The following DCTN5 variants were observed in gnomAD, a reference collection of about 807,000 sequenced individuals.
The protein encoded by DCTN5 is dynactin subunit 5.
Under a neutral mutation model 23.5 loss-of-function variants are expected in DCTN5, and 14 were observed. That is an observed-to-expected ratio of 0.60 (90% CI 0.39 to 0.93). The LOEUF (loss-of-function observed/expected upper bound fraction) is 0.93. Among genes scored for constraint, DCTN5 ranks in the 40% least tolerant of loss-of-function variants. The pLI is 0.00. For missense variants in DCTN5, 156 were observed against 225.9 expected, an observed-to-expected ratio of 0.69 and a Z score of 1.98; for synonymous variants, 67 against 79.6, an observed-to-expected ratio of 0.84 and a Z score of 0.84.
rs1039024145 is a variant in DCTN5 at position 23,668,339 on chromosome 16, T to C, written c.*1195T>C. On this transcript the variant is annotated 3_prime_UTR_variant, in exon 6 of 6. Coordinates refer to ENST00000300087, the MANE Select transcript of DCTN5 (RefSeq NM_032486.4). ...GGGTTTGCAAAACAAAACAGCTGTATGTAATCATTGCCACTAGTTCCATCT... is the reference window on the plus strand; with the variant it reads ...GGGTTTGCAAAACAAAACAGCTGTACGTAATCATTGCCACTAGTTCCATCT... 6.6e-6 allele frequency: 1 copy of C among 152,266 alleles called. No individual in the cohort carries two copies. The highest frequency in any genetic ancestry group is 1.5e-5 in the Non-Finnish European group (1 of 68,048). The allele number at this position is 152,266 out of a possible 1,614,324, so 9.4% of individuals were successfully genotyped here.
intron 2 of DCTN5, among the ~76,000 whole-genome samples, chr16:23,648,087 A>G (rs375864134): frequency 2.9e-4 from 44 of 152,156 alleles, no homozygotes; most frequent in Middle Eastern, 3.4e-3. Context: ...TAAATAATAT[A>G]TATTGTTTAA....
At chr16:23,656,418 T>C (rs1299698800) in intron 2 of DCTN5, among the ~76,000 whole-genome samples, 4 of 152,202 alleles carry the variant, frequency 2.6e-5, no homozygotes, top group Non-Finnish European at 5.9e-5. Flanking sequence ...TTGGTTGATA[T>C]GTCTCTTAAG....
At chr16:23,646,686 C>T (rs1967467449) in intron 2 of DCTN5, among the ~76,000 whole-genome samples, 2 of 152,192 alleles carry the variant, frequency 1.3e-5, no homozygotes, top group South Asian at 4.1e-4. Context: ...AAGTGATTCT[C>T]CTCTCTCAGC....
chr16:23,662,230 G>A (rs1380738564), intron 4 of DCTN5, among the ~76,000 whole-genome samples: 1 of 152,096 alleles, frequency 6.6e-6, no homozygotes. Context: ...AGTTGAAACT[G>A]GGGGAAGACA....
At chr16:23,664,332 A>G (rs1327219947) in intron 4 of DCTN5, among the ~76,000 whole-genome samples, 1 of 152,252 alleles carries the variant, frequency 6.6e-6, no homozygotes, top group Non-Finnish European at 1.5e-5. Flanking sequence ...ACATGCTTTC[A>G]TAAGAAGTTC....
At position 23,671,117 on chromosome 16, in the gene DCTN5, C is replaced by T. The variant is rs1289283237; in HGVS notation, c.*3973C>T. ...GAGGAGTGTGAGTGCTAGAGTCAGG[C>T]TGATCAAATCCCAGCCTGCCATTGG... On this transcript the variant is annotated 3_prime_UTR_variant, in exon 6 of 6. Transcript: ENST00000300087. 2 of 152,132 alleles carry T rather than the reference C, an allele frequency of 1.3e-5. No homozygotes were observed. The highest frequency in any genetic ancestry group is 2.9e-5 in the Non-Finnish European group (2 of 68,020). 9.4% of individuals were successfully genotyped at this position (152,132 alleles called of 1,614,324 possible).
At position 23,667,351 on chromosome 16, in the gene DCTN5, C is replaced by A. The variant is rs1567234478; in HGVS notation, c.*207C>A. 2 of 604,912 alleles carry A rather than the reference C, an allele frequency of 3.3e-6. No individual in the cohort carries two copies. The highest frequency in any genetic ancestry group is 5.8e-6 in the Non-Finnish European group (2 of 345,920). 37.5% of individuals were successfully genotyped at this position (604,912 alleles called of 1,614,324 possible). A position where few individuals can be genotyped will look rare whatever the true frequency, so the allele number is the denominator to read the frequency against. On this transcript the variant is annotated 3_prime_UTR_variant, in exon 6 of 6. Coordinates refer to ENST00000300087, the MANE Select transcript of DCTN5 (RefSeq NM_032486.4). ...ACAGACCATCTGGAGGAGCTGTCTT[C>A]AAATGCTGTGCTTACACCTTATCTA...
chr16:23,666,673 A>G, intron 5 of DCTN5: 1 of 350,702 alleles, frequency 2.9e-6, no homozygotes, highest in Non-Finnish European at 5.2e-6. Flanking sequence ...GATACCTACC[A>G]CTGAGTGGTT....
chr16:23,648,727 A>G (rs548458290), intron 2 of DCTN5, among the ~76,000 whole-genome samples: 15 of 152,126 alleles, frequency 9.9e-5, no homozygotes, highest in Non-Finnish European at 2.1e-4. Flanking sequence ...CCAACAGTGT[A>G]TAAGAGTTTC....
At chr16:23,657,368 A>T in intron 2 of DCTN5, 2 of 303,504 alleles carry the variant, frequency 6.6e-6, no homozygotes, top group South Asian at 4.8e-5. Context: ...AGGCGGGAGG[A>T]TCCCTTGAGC....
At chr16:23,664,667 T>A (rs991682703) in intron 4 of DCTN5, among the ~76,000 whole-genome samples, 1 of 152,242 alleles carries the variant, frequency 6.6e-6, no homozygotes, top group Admixed American at 6.5e-5. Context: ...TCTCAGACCT[T>A]ATTTCTTGCT....
intron 2 of DCTN5, chr16:23,650,755 G>T: frequency 1.3e-6 from 2 of 1,534,820 alleles, no homozygotes; most frequent in Non-Finnish European, 1.7e-6. Flanking sequence ...TTCTCTTTCA[G>T]AACTTTGTCA....
chr16:23,665,499 G>A, intron 4 of DCTN5, 127 bp from the exon 5 acceptor site: 4 of 799,590 alleles, frequency 5.0e-6, no homozygotes, highest in East Asian at 2.7e-5. Flanking sequence ...ACCTGAAGCA[G>A]GAAGTTGCAA....
intron 4 of DCTN5, 47 bp from the exon 5 acceptor site, chr16:23,665,579 C>T: frequency 1.3e-6 from 2 of 1,542,230 alleles, no homozygotes; most frequent in South Asian, 1.2e-5. Context: ...AGGAGCCTTT[C>T]ACACAGTAGA....
Position 23,661,260 on chromosome 16 carries a change from T to A in DCTN5, c.327T>A (p.His109Gln). The A allele has an allele frequency of 6.2e-7, 1 of 1,612,296 alleles. No individual in the cohort carries two copies. The highest frequency in any genetic ancestry group is 2.2e-5 in the East Asian group (1 of 44,846). ...VNAAQIGSYV[H>Q]VGKNCVIGRR... Reference sequence around the variant, plus strand: ...CAGCACAGATTGGTTCCTATGTTCATGTTGGGAAGAACTGTGTGATTGTGA... The same window carrying A: ...CAGCACAGATTGGTTCCTATGTTCAAGTTGGGAAGAACTGTGTGATTGTGA... The change falls in exon 4 of 6, where the codon CAT (histidine) becomes CAA (glutamine). Residue 109 changes from histidine (H) to glutamine (Q), a missense_variant. Transcript: ENST00000300087.
At chr16:23,647,696 C>T (rs982613511) in intron 2 of DCTN5, among the ~76,000 whole-genome samples, 6 of 151,282 alleles carry the variant, frequency 4.0e-5, no homozygotes, top group African/African-American at 7.3e-5. Flanking sequence ...TTAGTAGAGA[C>T]GGGGTTTTAC....
Position 23,670,838 on chromosome 16 carries a change from AG to A in DCTN5, c.*3698del, listed in dbSNP as rs1295983299. On this transcript the variant is annotated 3_prime_UTR_variant, in exon 6 of 6. Transcript: ENST00000300087. ...GTAGAATATGTGCTTGCTTCCATTT[AG>A]GGGTAAGAAGGTGGGCCCCTCACCA... The A allele has an allele frequency of 3.3e-5, 5 of 152,170 alleles. No homozygotes were observed. Among genetic ancestry groups the A allele is most frequent in the Non-Finnish European group, 5.9e-5 (4 of 68,030 alleles). The allele number at this position is 152,170 out of a possible 1,614,324, so 9.4% of individuals were successfully genotyped here. A position where few individuals can be genotyped will look rare whatever the true frequency, so the allele number is the denominator to read the frequency against.
At chr16:23,654,100 G>A (rs760131111) in intron 2 of DCTN5, among the ~76,000 whole-genome samples, 2 of 152,188 alleles carry the variant, frequency 1.3e-5, no homozygotes, top group Non-Finnish European at 2.9e-5. Flanking sequence ...TGTAACCATT[G>A]TGGAAGACAG....
Position 23,669,942 on chromosome 16 carries a change from G to A in DCTN5, c.*2798G>A, listed in dbSNP as rs562791706. The A allele has an allele frequency of 1.3e-5, 2 of 152,138 alleles. No individual in the cohort carries two copies. Among genetic ancestry groups the A allele is most frequent in the East Asian group, 3.9e-4 (2 of 5,194 alleles). 9.4% of individuals were successfully genotyped at this position (152,138 alleles called of 1,614,324 possible). A position where few individuals can be genotyped will look rare whatever the true frequency, so the allele number is the denominator to read the frequency against. On this transcript the variant is annotated 3_prime_UTR_variant, in exon 6 of 6. Transcript: ENST00000300087. Reference sequence around the variant, plus strand: ...CTGGGCCATGGAACTGCATCCTTATGGTTCCCATAGCACCTTACCGAGGCG... The same window carrying A: ...CTGGGCCATGGAACTGCATCCTTATAGTTCCCATAGCACCTTACCGAGGCG...
Sources: allele counts gnomAD v4.1 joint callset (sites outside exome capture counted in the v4.1 genomes callset), GRCh38; gene constraint gnomAD v4.1.1; transcripts MANE v1.5; gene names NCBI Gene and HGNC (gene_info 2026-07-23, HGNC 2026-07-21).